The following IL7 variants were observed in gnomAD, a reference collection of about 807,000 sequenced individuals.
The protein encoded by IL7 is interleukin 7, also known as interleukin-7.
A neutral mutation model predicts 21.6 loss-of-function variants in IL7; 3 were observed. The ratio of observed to expected loss-of-function variants is 0.14; its 90% CI spans 0.06 to 0.36. The LOEUF is 0.36. Ranked by LOEUF, IL7 falls within the 10% of genes least tolerant of loss-of-function variation. IL7 has a pLI of 1.00. For synonymous variants in IL7, 62 were observed against 68.1 expected, an observed-to-expected ratio of 0.91 and a Z score of 0.44; for missense variants, 175 against 200.2, an observed-to-expected ratio of 0.87 and a Z score of 0.76.
At chr8:78,701,211 C>G in intron 3 of IL7, among the ~76,000 whole-genome samples, 1 of 152,078 alleles carries the variant, frequency 6.6e-6, no homozygotes. Flanking sequence ...CTTTCACCTC[C>G]CCAGTTACCT....
chr8:78,800,111 T>C lies in IL7; in HGVS notation c.11-1903A>G, dbSNP rs563150196. On this transcript the variant is annotated intron_variant, in intron 1 of 5. Coordinates refer to ENST00000263851, the MANE Select transcript of IL7 (RefSeq NM_000880.4). ...CTTTCAAAGTCTCCAATGCCTATTA[T>C]TCCACCCTGTATGTCCATCTGTACC... Among the ~76,000 whole-genome samples the C allele has an allele frequency of 1.4e-4, 22 of 152,262 alleles. No individual in the cohort carries two copies. In the South Asian group the frequency reaches 1.7e-3, roughly 11 times the overall value.
chr8:78,776,811 T>C (rs1319261795), intron 2 of IL7, among the ~76,000 whole-genome samples: 1 of 152,000 alleles, frequency 6.6e-6, no homozygotes, highest in Non-Finnish European at 1.5e-5. Flanking sequence ...CACAGAAGGA[T>C]TAAGTAATTT....
chr8:78,735,293 G>GTTTTTTTTTTTTTTTTTTTTTTTTTTGT (rs33976248), intron 5 of IL7, among the ~76,000 whole-genome samples: 7 of 69,574 alleles, frequency 1.0e-4, no homozygotes, highest in Non-Finnish European at 1.4e-4. Flanking sequence ...TTTTTTTTTT[G>GTTTTTTTTTTTTTTTTTTTTTTTTTTGT]TTTTTTTTTT....
At chr8:78,744,300 G>C (rs1201792766) in intron 2 of IL7, among the ~76,000 whole-genome samples, 1 of 152,060 alleles carries the variant, frequency 6.6e-6, no homozygotes, top group Non-Finnish European at 1.5e-5. Context: ...GGAGGCCCTG[G>C]TTGGGAGGTC....
At chr8:78,711,582 G>A (rs1478392609) in intron 3 of IL7, among the ~76,000 whole-genome samples, 1 of 152,006 alleles carries the variant, frequency 6.6e-6, no homozygotes, top group African/African-American at 2.4e-5. Flanking sequence ...TAAAAAGCAC[G>A]GAAATAAATA....
chr8:78,744,834 G>A (rs1046838900), intron 2 of IL7, among the ~76,000 whole-genome samples: 10 of 152,168 alleles, frequency 6.6e-5, no homozygotes, highest in Non-Finnish European at 1.5e-4. Context: ...CTCCCAACTC[G>A]AGGTTGCAAA....
At chr8:78,804,272 CAACAAA>C (rs574775786) in intron 1 of IL7, among the ~76,000 whole-genome samples, 16 of 152,166 alleles carry the variant, frequency 1.1e-4, no homozygotes, top group Non-Finnish European at 4.4e-5. Context: ...GAAAAAATAA[CAACAAA>C]AACAAAAACA....
chr8:78,777,417 T>C (rs1277661735), intron 2 of IL7, among the ~76,000 whole-genome samples: 3 of 151,988 alleles, frequency 2.0e-5, no homozygotes, highest in African/African-American at 7.2e-5. Context: ...TGTAATTATG[T>C]TGTGGCATTA....
At chr8:78,771,098 A>G (rs1281323791) in intron 2 of IL7, among the ~76,000 whole-genome samples, 1 of 152,014 alleles carries the variant, frequency 6.6e-6, no homozygotes, top group Non-Finnish European at 1.5e-5. Flanking sequence ...ATTTGTGGAG[A>G]GGGGACAGAT....
chr8:78,740,749 C>A (rs1211453717), intron 2 of IL7, among the ~76,000 whole-genome samples: 1 of 152,110 alleles, frequency 6.6e-6, no homozygotes, highest in Non-Finnish European at 1.5e-5. Flanking sequence ...AATTTGTTCA[C>A]AACATTTTTA....
chr8:78,693,300 T>C (rs895250368), intron 3 of IL7, among the ~76,000 whole-genome samples: 10 of 151,450 alleles, frequency 6.6e-5, no homozygotes, highest in Non-Finnish European at 1.0e-4. Flanking sequence ...CCCTGAGGAA[T>C]CACCACACTG....
chr8:78,704,809 T>G (rs1021240926), intron 3 of IL7, among the ~76,000 whole-genome samples: 1 of 152,222 alleles, frequency 6.6e-6, no homozygotes, highest in Non-Finnish European at 1.5e-5. Context: ...TCATCCTTTT[T>G]TTCTCTATTC....
intron 2 of IL7, among the ~76,000 whole-genome samples, chr8:78,769,674 G>T: frequency 1.3e-5 from 2 of 152,008 alleles, no homozygotes; most frequent in Non-Finnish European, 2.9e-5. Context: ...CACAGAATTG[G>T]AAAAAACTAC....
At chr8:78,762,606 T>C (rs1180503081) in intron 2 of IL7, among the ~76,000 whole-genome samples, 3 of 151,000 alleles carry the variant, frequency 2.0e-5, no homozygotes, top group African/African-American at 7.3e-5. Context: ...TATCTGTCTC[T>C]CTTTCTTGAA....
chr8:78,698,541 G>A (rs1288808967), intron 3 of IL7: 1 of 1,468,990 alleles, frequency 6.8e-7, no homozygotes, highest in African/African-American at 1.4e-5. Flanking sequence ...ATAATTATTA[G>A]TGGTATATAA....
At chr8:78,738,200 A>G (rs967084144) in intron 4 of IL7, among the ~76,000 whole-genome samples, 2 of 152,196 alleles carry the variant, frequency 1.3e-5, no homozygotes, top group African/African-American at 2.4e-5. Context: ...AGTTTTAGAT[A>G]TAGAAATTTA....
downstream of IL7, among the ~76,000 whole-genome samples, chr8:78,713,078 G>C (rs948456664): frequency 3.9e-5 from 6 of 152,142 alleles, no homozygotes; most frequent in Admixed American, 1.3e-4. Flanking sequence ...AGATCTCACA[G>C]TAACAGTGAC....
intron 2 of IL7, among the ~76,000 whole-genome samples, chr8:78,757,743 GGTT>G (rs1452243031): frequency 6.6e-6 from 1 of 152,002 alleles, no homozygotes; most frequent in Non-Finnish European, 1.5e-5. Context: ...CATGGGATAT[GGTT>G]TCCGTCACTT....
Position 78,804,907 on chromosome 8 carries a change from G to C in IL7, c.10+6C>G, listed in dbSNP as rs771048191. On this transcript the variant is annotated splice_donor_region_variant and intron_variant, in intron 1 of 5. Transcript: ENST00000263851. ...GAACTTGTGCGCAAGGGAGAAGAGC[G>C]CTTACCATGGAACATGGTCTGCGGG... is the stretch of plus-strand genomic sequence containing the variant. 1 of 1,613,050 alleles carries C rather than the reference G, an allele frequency of 6.2e-7. No individual in the cohort carries two copies. The highest frequency in any genetic ancestry group is 1.7e-5 in the Admixed American group (1 of 59,956).
Sources: gnomAD v4.1 joint callset for allele counts (sites outside exome capture counted in the v4.1 genomes callset) on GRCh38, gnomAD v4.1.1 for gene constraint, MANE v1.5 for transcripts, NCBI Gene and HGNC (gene_info 2026-07-23, HGNC 2026-07-21) for gene names.